Variants in LRRN1 observed in about 807,000 individuals in gnomAD.
LRRN1 encodes leucine rich repeat neuronal 1.
In LRRN1, 14 loss-of-function variants were observed where a neutral mutation model predicts 45.8. The ratio of observed to expected loss-of-function variants is 0.31; its 90% CI spans 0.20 to 0.48. The LOEUF is 0.48. LRRN1 is among the 20% of genes least tolerant of loss of function. The pLI is 0.99. For missense variants in LRRN1, 789 were observed against 874.2 expected (o/e 0.90, Z 1.23); for synonymous variants, 359 against 330.1 (o/e 1.09, Z -0.95).
rs1693822830 is a variant in LRRN1 at position 3,848,394 on chromosome 3, A to T, written c.*1602A>T. ...GATGGGATTTAATAGGTAAAGAAGA[A>T]CCCATTTGAAAATAAAGGTTGTTTC... On this transcript the variant is annotated 3_prime_UTR_variant, in exon 2 of 2. Coordinates refer to ENST00000319331, the MANE Select transcript of LRRN1 (RefSeq NM_020873.7). 6.6e-6 allele frequency among the ~76,000 whole-genome samples: 1 copy of T among 152,138 alleles called. No homozygotes were observed. Among genetic ancestry groups the T allele is most frequent in the Non-Finnish European group, 1.5e-5 (1 of 68,018 alleles).
chr3:3,846,547 A>G lies in LRRN1; in HGVS notation c.1906A>G (p.Met636Val), dbSNP rs1559315849. The G allele has an allele frequency of 1.2e-6, 2 of 1,614,096 alleles. No homozygotes were observed. The highest frequency in any genetic ancestry group is 1.7e-6 in the Non-Finnish European group (2 of 1,179,988). Residue 636 changes from methionine (M) to valine (V), a missense_variant, in exon 2 of 2, where the codon ATG becomes GTG. By Grantham distance (21) the Met-to-Val change is conservative (BLOSUM62 1). Coordinates refer to ENST00000319331, the MANE Select transcript of LRRN1 (RefSeq NM_020873.7). The surrounding 1 kb of genome is among the most constrained non-coding windows in gnomAD (Gnocchi z 5.7). The stretch of plus-strand genomic sequence containing the variant: ...AACCAGTACAGCCCTTGCTGCAGTA[A>G]TGGGGTCTATGTTTGCCGTCATTAG... ...QETSTALAAV[M>V]GSMFAVISLA...
chr3:3,800,604 G>A (rs1692628100), intron 1 of LRRN1: 2 of 133,102 alleles, frequency 1.5e-5, no homozygotes, highest in African/African-American at 5.8e-5. Context: ...CGTGAGCCTT[G>A]AGCTCCACGC....
At chr3:3,828,430 A>C (rs939974462) in intron 1 of LRRN1, among the ~76,000 whole-genome samples, 37 of 151,922 alleles carry the variant, frequency 2.4e-4, no homozygotes, top group African/African-American at 8.7e-4. Context: ...CGTGCCCACC[A>C]GATTAAGGGT....
At position 3,849,214 on chromosome 3, in the gene LRRN1, G is replaced by A. The variant is rs1575308772; in HGVS notation, c.*2422G>A. On this transcript the variant is annotated 3_prime_UTR_variant, in exon 2 of 2. Transcript: ENST00000319331. Reference sequence around the variant, plus strand: ...ACAGAATGAGCACTTAAATACGGGTGCAATAAATGAAGGGAAAAACCTCAG... The same window carrying A: ...ACAGAATGAGCACTTAAATACGGGTACAATAAATGAAGGGAAAAACCTCAG... Among the ~76,000 whole-genome samples, 1 of 152,138 alleles carries A rather than the reference G, an allele frequency of 6.6e-6. No individual in the cohort carries two copies. The highest frequency in any genetic ancestry group is 2.4e-5 in the African/African-American group (1 of 41,430).
intron 1 of LRRN1, among the ~76,000 whole-genome samples, chr3:3,841,749 C>T (rs1434981373): frequency 6.6e-6 from 1 of 152,152 alleles, no homozygotes; most frequent in Non-Finnish European, 1.5e-5. Context: ...GAACTCCTGA[C>T]CTCATGATCT....
intron 1 of LRRN1, among the ~76,000 whole-genome samples, chr3:3,821,762 G>C (rs1693111069): frequency 6.6e-6 from 1 of 152,128 alleles, no homozygotes; most frequent in South Asian, 2.1e-4. Flanking sequence ...ATGTAGAAAA[G>C]ACCCACCAGA....
At chr3:3,810,315 C>G (rs372972620) in intron 1 of LRRN1, among the ~76,000 whole-genome samples, 11 of 152,096 alleles carry the variant, frequency 7.2e-5, no homozygotes, top group African/African-American at 2.4e-4. Context: ...AAAGCTTCAC[C>G]TCTCTGCCTC....
intron 1 of LRRN1, among the ~76,000 whole-genome samples, chr3:3,801,652 T>C (rs1213356023): frequency 6.6e-6 from 1 of 152,180 alleles, no homozygotes; most frequent in African/African-American, 2.4e-5. Flanking sequence ...GAAAAGAGAA[T>C]AAAGACGCAG....
chr3:3,801,734 T>G (rs1427856070), intron 1 of LRRN1, among the ~76,000 whole-genome samples: 1 of 152,242 alleles, frequency 6.6e-6, no homozygotes, highest in Non-Finnish European at 1.5e-5. Flanking sequence ...CTTTAAGTGC[T>G]ATTGTATTGA....
chr3:3,831,995 G>A (rs1398970534), intron 1 of LRRN1, among the ~76,000 whole-genome samples: 1 of 152,240 alleles, frequency 6.6e-6, no homozygotes, highest in Non-Finnish European at 1.5e-5. Context: ...CATGTCAATG[G>A]CTGCATACCA....
chr3:3,836,654 C>A (rs2106467183), intron 1 of LRRN1, among the ~76,000 whole-genome samples: 1 of 152,182 alleles, frequency 6.6e-6, no homozygotes, highest in South Asian at 2.1e-4. Context: ...TCCTATGCAG[C>A]TCAAATGGAA....
At chr3:3,823,027 G>A (rs1693137068) in intron 1 of LRRN1, 1 of 152,138 alleles carries the variant, frequency 6.6e-6, no homozygotes, top group African/African-American at 2.4e-5. Flanking sequence ...AGGGATAGAG[G>A]ATATTTCTGT....
chr3:3,822,146 A>G (rs943822384), intron 1 of LRRN1, among the ~76,000 whole-genome samples: 3 of 152,210 alleles, frequency 2.0e-5, no homozygotes, highest in Non-Finnish European at 2.9e-5. Context: ...TCTCCATTCC[A>G]TCACCCATAA....
intron 1 of LRRN1, among the ~76,000 whole-genome samples, chr3:3,817,709 A>G (rs1049822449): frequency 2.6e-5 from 4 of 151,892 alleles, no homozygotes; most frequent in African/African-American, 7.2e-5. Context: ...TTTTTTTTAA[A>G]TAAAAATGTT....
At chr3:3,832,151 G>C (rs1693386441) in intron 1 of LRRN1, among the ~76,000 whole-genome samples, 1 of 152,180 alleles carries the variant, frequency 6.6e-6, no homozygotes, top group African/African-American at 2.4e-5. Context: ...AGAGTTGAAT[G>C]GGGTTGTGGT....
At chr3:3,808,874 A>G (rs1037086557) in intron 1 of LRRN1, among the ~76,000 whole-genome samples, 99 of 152,188 alleles carry the variant, frequency 6.5e-4, no homozygotes, top group African/African-American at 2.2e-3. Context: ...TTTTAAAATT[A>G]TATTAGAATT....
chr3:3,827,263 T>G (rs1234358336), intron 1 of LRRN1: 1 of 229,088 alleles, frequency 4.4e-6, no homozygotes, highest in African/African-American at 2.3e-5. Context: ...GAGCTGAATT[T>G]GAAACCAAGT....
At chr3:3,810,326 C>T (rs892223209) in intron 1 of LRRN1, among the ~76,000 whole-genome samples, 2 of 152,130 alleles carry the variant, frequency 1.3e-5, no homozygotes, top group African/African-American at 4.8e-5. Flanking sequence ...TCTCTGCCTC[C>T]ACTGTGATAT....
chr3:3,826,671 C>A (rs1291513543), intron 1 of LRRN1, among the ~76,000 whole-genome samples: 1 of 152,092 alleles, frequency 6.6e-6, no homozygotes, highest in African/African-American at 2.4e-5. Context: ...TCACTTAACA[C>A]ACACTACAGA....
Sources: allele counts gnomAD v4.1 joint callset (sites outside exome capture counted in the v4.1 genomes callset), GRCh38; gene constraint gnomAD v4.1.1; non-coding constraint Gnocchi (gnomAD v3.1); transcripts MANE v1.5; gene names NCBI Gene and HGNC (gene_info 2026-07-23, HGNC 2026-07-21).